Variants in NFASC observed in about 807,000 individuals in gnomAD.
NFASC encodes the protein neurofascin.
NFASC carries 43 observed loss-of-function variants against 147.5 expected under a neutral mutation model. The observed-to-expected ratio is 0.29, with a 90% CI of 0.23 to 0.38. The LOEUF (loss-of-function observed/expected upper bound fraction) is 0.38. NFASC is among the 10% of genes least tolerant of loss of function. NFASC has a pLI of 1.00. For synonymous variants in NFASC, 622 were observed against 665.5 expected (o/e 0.93, Z 1.01); for missense variants, 1,320 against 1,689.0 (o/e 0.78, Z 3.83).
intron 8 of NFASC, among the ~76,000 whole-genome samples, chr1:204,961,860 C>A (rs1039259533): frequency 6.6e-6 from 1 of 152,190 alleles, no homozygotes; most frequent in East Asian, 1.9e-4. Flanking sequence ...TTTAAAAAAA[C>A]CATTACTGTA....
chr1:204,908,624 G>A (rs1223095250), intron 1 of NFASC, among the ~76,000 whole-genome samples: 2 of 151,928 alleles, frequency 1.3e-5, no homozygotes, highest in African/African-American at 4.8e-5. Flanking sequence ...ATCACAACCA[G>A]GATATTGACA....
chr1:204,838,033 C>G (rs538314274), intron 1 of NFASC, among the ~76,000 whole-genome samples: 1 of 152,158 alleles, frequency 6.6e-6, no homozygotes, highest in Middle Eastern at 3.2e-3. Flanking sequence ...TAAAGCCTCC[C>G]CAACAAACCA....
chr1:204,829,121 A>G (rs949306708), intron 1 of NFASC, among the ~76,000 whole-genome samples: 1 of 133,764 alleles, frequency 7.5e-6, no homozygotes, highest in African/African-American at 2.9e-5. Flanking sequence ...CTGCCCTTGT[A>G]CTTCTGTTTA....
At chr1:204,948,546 C>T (rs2093927121) in intron 3 of NFASC, 10 of 516,792 alleles carry the variant, frequency 1.9e-5, no homozygotes, top group African/African-American at 3.9e-5. Context: ...CCCCAGCTGG[C>T]TCGCTCACCT....
Position 204,988,712 on chromosome 1 carries a change from C to T in NFASC, c.2673C>T (p.Asp891=). The T allele has an allele frequency of 6.2e-7, 1 of 1,614,208 alleles. No homozygotes were observed. Among genetic ancestry groups the T allele is most frequent in the Middle Eastern group, 1.6e-4 (1 of 6,062 alleles). ...NQTKFTVQRT[D]PVSRYRFTLS... ...CCAAGTTCACGGTGCAAAGAACGGACCCCGTGTCACGCTACCGCTTTACCC... is the reference window on the plus strand; with the variant it reads ...CCAAGTTCACGGTGCAAAGAACGGATCCCGTGTCACGCTACCGCTTTACCC... The change falls in exon 23 of 30, where the codon GAC becomes GAT. Residue 891 remains aspartate (D), a synonymous_variant. Transcript: ENST00000339876.
chr1:204,831,540 A>G (rs995561866), intron 1 of NFASC, among the ~76,000 whole-genome samples: 1 of 151,234 alleles, frequency 6.6e-6, no homozygotes, highest in Non-Finnish European at 1.5e-5. Context: ...CTCTGGCTCC[A>G]CTCTTCTCCC....
At chr1:204,899,889 C>G (rs1012985417) in intron 1 of NFASC, among the ~76,000 whole-genome samples, 15 of 152,148 alleles carry the variant, frequency 9.9e-5, no homozygotes, top group African/African-American at 3.6e-4. Context: ...TAAGGGGATC[C>G]TATTTGTCCT....
intron 1 of NFASC, among the ~76,000 whole-genome samples, chr1:204,892,080 A>T (rs777573008): frequency 2.6e-5 from 4 of 152,238 alleles, no homozygotes; most frequent in Non-Finnish European, 5.9e-5. Flanking sequence ...AGTAAGCCCC[A>T]TAGCAAGCAA....
At chr1:204,848,417 G>T (rs1359308084) in intron 1 of NFASC, among the ~76,000 whole-genome samples, 1 of 152,032 alleles carries the variant, frequency 6.6e-6, no homozygotes. Flanking sequence ...TAAGAGACGG[G>T]ATCTCCCTAT....
At chr1:204,916,117 CCTT>C (rs2089193581) in intron 1 of NFASC, among the ~76,000 whole-genome samples, 1 of 152,136 alleles carries the variant, frequency 6.6e-6, no homozygotes, top group African/African-American at 2.4e-5. Context: ...CTTCATCTGA[CCTT>C]CTGGAATCTA....
At chr1:204,956,543 TC>T (rs1339087969) in intron 7 of NFASC, among the ~76,000 whole-genome samples, 1 of 152,232 alleles carries the variant, frequency 6.6e-6, no homozygotes, top group Non-Finnish European at 1.5e-5. Context: ...TTGCAGTTAA[TC>T]CCCTTCTAAC....
chr1:204,859,975 G>A (rs777527143), intron 1 of NFASC, among the ~76,000 whole-genome samples: 9 of 152,196 alleles, frequency 5.9e-5, no homozygotes, highest in African/African-American at 1.7e-4. Context: ...AGATATAGCC[G>A]TGGAGCATCT....
At chr1:204,884,236 A>C (rs1212335274) in intron 1 of NFASC, among the ~76,000 whole-genome samples, 2 of 152,068 alleles carry the variant, frequency 1.3e-5, no homozygotes, top group African/African-American at 4.8e-5. Context: ...GGTAGCATCT[A>C]TATGTAGGGC....
chr1:204,918,353 G>T (rs753046898), intron 1 of NFASC, among the ~76,000 whole-genome samples: 1 of 152,034 alleles, frequency 6.6e-6, no homozygotes, highest in Non-Finnish European at 1.5e-5. Flanking sequence ...TCAAAACATG[G>T]ATTTTTTTGC....
intron 25 of NFASC, chr1:204,997,672 A>G (rs555496981): frequency 3.5e-6 from 2 of 564,056 alleles, no homozygotes. Flanking sequence ...CTAGCTTCAG[A>G]TCCCTGTTCC....
chr1:204,879,918 G>A (rs966622672), intron 1 of NFASC, among the ~76,000 whole-genome samples: 1 of 152,184 alleles, frequency 6.6e-6, no homozygotes, highest in African/African-American at 2.4e-5. Context: ...AGATGGTTTG[G>A]GGTTCTCATG....
chr1:205,009,585 C>T lies in NFASC; in HGVS notation c.3318C>T (p.Ala1106=). Residue 1106 remains alanine, a synonymous_variant, in exon 28 of 30, where the codon GCC becomes GCT. Coordinates refer to ENST00000339876, the MANE Select transcript of NFASC (RefSeq NM_001005388.3). ...ACACCAACAACCAAGCGGACATCGCCACCCAGGGCTGGTTCATTGGGCTTA... is the reference window on the plus strand; with the variant it reads ...ACACCAACAACCAAGCGGACATCGCTACCCAGGGCTGGTTCATTGGGCTTA... ...TAYTNNQADI[A]TQGWFIGLMC... 8.1e-6 allele frequency: 13 copies of T among 1,614,182 alleles called. No individual in the cohort carries two copies. The highest frequency in any genetic ancestry group is 1.3e-5 in the African/African-American group (1 of 75,050).
In NFASC at chr1:204,887,206, G is replaced by T. The variant is rs118094325; in HGVS notation, c.-199-33426G>T. On this transcript the variant is annotated intron_variant, in intron 1 of 29. Coordinates refer to ENST00000339876, the MANE Select transcript of NFASC (RefSeq NM_001005388.3). ...CCGTCATTCTGCTTTCTGTCTCTAT[G>T]AATTTGACCTCTCTAGGTAGGTCAT... 2.2e-4 allele frequency among the ~76,000 whole-genome samples: 34 copies of T among 152,224 alleles called. No homozygotes were observed. The East Asian group carries it at 5.6e-3, about 25-fold the overall frequency.
At chr1:204,977,158 T>C in intron 16 of NFASC, 1 of 1,104,016 alleles carries the variant, frequency 9.1e-7, no homozygotes, top group Non-Finnish European at 1.1e-6. Flanking sequence ...ACTGAGTTTG[T>C]GTTTGTGCTT....
Sources: gnomAD v4.1 joint callset for allele counts (sites outside exome capture counted in the v4.1 genomes callset) on GRCh38, gnomAD v4.1.1 for gene constraint, MANE v1.5 for transcripts, NCBI Gene and HGNC (gene_info 2026-07-23, HGNC 2026-07-21) for gene names.